SLC24A2: variants seen among roughly 807,000 people sequenced by gnomAD.
The protein encoded by SLC24A2 is solute carrier family 24 member 2.
A neutral mutation model predicts 62.0 loss-of-function variants in SLC24A2; 36 were observed. The ratio of observed to expected loss-of-function variants is 0.58; its 90% CI spans 0.44 to 0.77. SLC24A2 has a LOEUF of 0.77. Among genes scored for constraint, SLC24A2 ranks in the 30% least tolerant of loss-of-function variants. The pLI is 0.00. For missense variants in SLC24A2, 846 were observed against 817.9 expected (o/e 1.03, Z -0.42); for synonymous variants, 358 against 294.0 (o/e 1.22, Z -2.23).
chr9:19,761,538 T>A (rs1400577935), intron 2 of SLC24A2, among the ~76,000 whole-genome samples: 1 of 152,142 alleles, frequency 6.6e-6, no homozygotes, highest in African/African-American at 2.4e-5. Flanking sequence ...ACGTGCAGGT[T>A]TGTTACGTAT....
At chr9:19,829,866 A>T in the SLC24A2 span, among the ~76,000 whole-genome samples, 1 of 147,684 alleles carries the variant, frequency 6.8e-6, no homozygotes, top group African/African-American at 2.5e-5. Context: ...TTAAACTTCA[A>T]TTCTTCTGGT....
At chr9:19,766,372 G>A (rs545102537) in intron 2 of SLC24A2, among the ~76,000 whole-genome samples, 44 of 152,344 alleles carry the variant, frequency 2.9e-4, no homozygotes, top group Non-Finnish European at 5.0e-4. Context: ...TGGAGGAGAA[G>A]AGGCATTCTG....
intron 2 of SLC24A2, among the ~76,000 whole-genome samples, chr9:19,718,807 A>C (rs1820941712): frequency 6.6e-6 from 1 of 152,176 alleles, no homozygotes; most frequent in Non-Finnish European, 1.5e-5. Flanking sequence ...ACCCATTTTC[A>C]GTCCTCTTCA....
chr9:19,915,376 A>G, the SLC24A2 span, among the ~76,000 whole-genome samples: 3 of 152,120 alleles, frequency 2.0e-5, no homozygotes, highest in Admixed American at 2.0e-4. Context: ...GCTCTTGTGA[A>G]TAATGTCCCT....
chr9:19,873,527 CCTTT>C, the SLC24A2 span, among the ~76,000 whole-genome samples: 2 of 127,826 alleles, frequency 1.6e-5, no homozygotes, highest in Admixed American at 7.4e-5. Flanking sequence ...CTCTCTCCTT[CCTTT>C]CTTTCTCTTT....
the SLC24A2 span, chr9:19,896,101 A>C: frequency 9.8e-6 from 6 of 615,120 alleles, no homozygotes; most frequent in South Asian, 1.3e-4. Flanking sequence ...GGAGGACTCT[A>C]CTTCCGCCCT....
In SLC24A2 at chr9:19,646,049, T is replaced by C. The variant is rs183976918; in HGVS notation, c.931-23750A>G. Among the ~76,000 whole-genome samples, 342 of 152,262 alleles carry C rather than the reference T, an allele frequency of 2.2e-3. 3 individuals carry two copies. Among genetic ancestry groups the C allele is most frequent in the African/African-American group, 7.5e-3 (310 of 41,564 alleles). The stretch of plus-strand genomic sequence containing the variant: ...ATCCTTTCTATGGATGCTAGGAAGA[T>C]TAAATGGGACAATGCACATCAAATC... On this transcript the variant is annotated intron_variant, in intron 2 of 10. Coordinates refer to ENST00000341998, the MANE Select transcript of SLC24A2 (RefSeq NM_020344.4).
At chr9:19,811,628 A>G in the SLC24A2 span, among the ~76,000 whole-genome samples, 1 of 151,902 alleles carries the variant, frequency 6.6e-6, no homozygotes, top group African/African-American at 2.4e-5. Flanking sequence ...TTATTTTTAC[A>G]TTTATTTTTT....
chr9:19,779,031 G>A (rs780765649), intron 2 of SLC24A2, among the ~76,000 whole-genome samples: 1 of 152,118 alleles, frequency 6.6e-6, no homozygotes, highest in African/African-American at 2.4e-5. Context: ...CAATAGATGC[G>A]CTTTAGAGCA....
the SLC24A2 span, among the ~76,000 whole-genome samples, chr9:20,152,606 C>T: frequency 6.6e-6 from 1 of 151,990 alleles, no homozygotes; most frequent in South Asian, 2.1e-4. Context: ...AACTATTAAA[C>T]AACAAGCTGA....
At chr9:20,211,891 AAG>A in the SLC24A2 span, among the ~76,000 whole-genome samples, 1 of 152,180 alleles carries the variant, frequency 6.6e-6, no homozygotes, top group Non-Finnish European at 1.5e-5. Flanking sequence ...TTTACTTAAA[AAG>A]AAATAAAATT....
chr9:20,267,393 G>A, the SLC24A2 span, among the ~76,000 whole-genome samples: 1 of 152,110 alleles, frequency 6.6e-6, no homozygotes, highest in Non-Finnish European at 1.5e-5. Context: ...TCACCTTCAG[G>A]TCAGTGAGTT....
the SLC24A2 span, among the ~76,000 whole-genome samples, chr9:20,147,278 G>T: frequency 6.6e-6 from 1 of 152,090 alleles, no homozygotes; most frequent in Non-Finnish European, 1.5e-5. Flanking sequence ...TCTGAGATTT[G>T]AGATTGCCTC....
the SLC24A2 span, among the ~76,000 whole-genome samples, chr9:19,977,937 T>C: frequency 6.6e-6 from 1 of 152,154 alleles, no homozygotes; most frequent in Non-Finnish European, 1.5e-5. Flanking sequence ...ATCTTAAAGA[T>C]AGTCAGGGTG....
the SLC24A2 span, among the ~76,000 whole-genome samples, chr9:19,947,347 C>T: frequency 1.4e-5 from 2 of 145,002 alleles, no homozygotes; most frequent in Non-Finnish European, 3.0e-5. Flanking sequence ...CTGTGGCTGC[C>T]GGAAGGAAGG....
At chr9:19,537,022 G>A (rs1405633912) in intron 8 of SLC24A2, among the ~76,000 whole-genome samples, 1 of 146,692 alleles carries the variant, frequency 6.8e-6, no homozygotes, top group Admixed American at 6.8e-5. Context: ...GTCTGTTCAT[G>A]TCCTTTGCCC....
the SLC24A2 span, among the ~76,000 whole-genome samples, chr9:19,945,446 C>G: frequency 6.6e-6 from 1 of 152,148 alleles, no homozygotes; most frequent in African/African-American, 2.4e-5. Context: ...ACTTAATGCC[C>G]CAATGCATTT....
chr9:19,721,894 G>A (rs1246076377), intron 2 of SLC24A2, among the ~76,000 whole-genome samples: 1 of 152,096 alleles, frequency 6.6e-6, no homozygotes, highest in Non-Finnish European at 1.5e-5. Context: ...CACTAAATTA[G>A]TGAGGTTCAT....
At chr9:19,652,367 G>T (rs1054758426) in intron 2 of SLC24A2, among the ~76,000 whole-genome samples, 1 of 152,170 alleles carries the variant, frequency 6.6e-6, no homozygotes, top group Non-Finnish European at 1.5e-5. Flanking sequence ...ATGTGATTAA[G>T]TTAAGGATCT....
Sources: allele counts gnomAD v4.1 joint callset (sites outside exome capture counted in the v4.1 genomes callset), GRCh38; gene constraint gnomAD v4.1.1; transcripts MANE v1.5; gene names NCBI Gene and HGNC (gene_info 2026-07-23, HGNC 2026-07-21).